ITPR2: variants seen among roughly 807,000 people sequenced by gnomAD.
ITPR2 encodes the protein inositol 1,4,5-trisphosphate receptor type 2, also known as inositol 1,4,5-trisphosphate-gated calcium channel ITPR2.
ITPR2 carries 207 observed loss-of-function variants against 317.1 expected under a neutral mutation model. That is an observed-to-expected ratio of 0.65 (90% CI 0.58 to 0.73). The LOEUF (loss-of-function observed/expected upper bound fraction) is 0.73. Ranked by LOEUF, ITPR2 falls within the 30% of genes least tolerant of loss-of-function variation. The pLI, the probability that ITPR2 is intolerant of heterozygous loss-of-function variation, is 0.00. For missense variants in ITPR2, 2,613 were observed against 3,284.0 expected (o/e 0.80, Z 4.99); for synonymous variants, 1,156 against 1,149.1 (o/e 1.01, Z -0.12).
chr12:26,456,699 G>A (rs1941894346), intron 45 of ITPR2, among the ~76,000 whole-genome samples: 1 of 152,044 alleles, frequency 6.6e-6, no homozygotes, highest in Non-Finnish European at 1.5e-5. Context: ...TTAAGACAGA[G>A]TCTCACTCTG....
At chr12:26,718,573 T>C (rs1032987029) in intron 5 of ITPR2, among the ~76,000 whole-genome samples, 8 of 149,418 alleles carry the variant, frequency 5.4e-5, no homozygotes, top group Admixed American at 3.4e-4. Context: ...TATGTGCATA[T>C]ATATAGTATA....
chr12:26,619,465 T>C (rs1946446784), intron 26 of ITPR2, among the ~76,000 whole-genome samples: 1 of 152,158 alleles, frequency 6.6e-6, no homozygotes, highest in Admixed American at 6.6e-5. Flanking sequence ...TCTAAACTAA[T>C]CCTGTACTCC....
At chr12:26,692,622 G>T (rs563570749) in intron 10 of ITPR2, among the ~76,000 whole-genome samples, 2 of 152,258 alleles carry the variant, frequency 1.3e-5, no homozygotes, top group South Asian at 4.1e-4. Flanking sequence ...CCCTGTGGAT[G>T]CTGTACATTT....
intron 1 of ITPR2, among the ~76,000 whole-genome samples, chr12:26,799,665 TC>T (rs200680804): frequency 1.3e-3 from 192 of 152,330 alleles, no homozygotes; most frequent in African/African-American, 4.5e-3. Context: ...CTTCTCTTTC[TC>T]CATCTAAAAT....
At chr12:26,567,941 A>ATATATATATTATATATATAATATATATAT (rs1945018886) in intron 34 of ITPR2, among the ~76,000 whole-genome samples, 8 of 47,880 alleles carry the variant, frequency 1.7e-4, no homozygotes, top group Non-Finnish European at 3.8e-4. Flanking sequence ...ATTCTGGTAT[A>ATATATATATTATATATATAATATATATAT]TATATATATT....
intron 54 of ITPR2, among the ~76,000 whole-genome samples, chr12:26,391,238 G>A (rs1274480682): frequency 6.6e-6 from 1 of 152,200 alleles, no homozygotes; most frequent in African/African-American, 2.4e-5. Context: ...TGAGGAAATA[G>A]ATTCAGAATG....
At chr12:26,662,412 A>C (rs1947523354) in intron 15 of ITPR2, among the ~76,000 whole-genome samples, 1 of 152,148 alleles carries the variant, frequency 6.6e-6, no homozygotes, top group African/African-American at 2.4e-5. Context: ...CACACAATAA[A>C]TACTACTAAC....
intron 37 of ITPR2, among the ~76,000 whole-genome samples, chr12:26,522,749 C>T (rs1456984824): frequency 2.0e-5 from 3 of 152,092 alleles, no homozygotes; most frequent in Admixed American, 2.0e-4. Flanking sequence ...AAATAATCTA[C>T]TCACATCAAA....
chr12:26,464,107 G>C (rs1430722395), intron 45 of ITPR2, among the ~76,000 whole-genome samples: 1 of 152,138 alleles, frequency 6.6e-6, no homozygotes, highest in Non-Finnish European at 1.5e-5. Flanking sequence ...TGTAGCAGCA[G>C]TCCCCAACCT....
intron 21 of ITPR2, among the ~76,000 whole-genome samples, chr12:26,635,921 AAGCT>A (rs1167299594): frequency 6.6e-6 from 1 of 152,248 alleles, no homozygotes; most frequent in East Asian, 1.9e-4. Flanking sequence ...AGCCTTAATT[AAGCT>A]AGTAACCACA....
At chr12:26,356,910 A>G (rs1269742139) in intron 55 of ITPR2, among the ~76,000 whole-genome samples, 2 of 152,236 alleles carry the variant, frequency 1.3e-5, no homozygotes, top group African/African-American at 2.4e-5. Context: ...TGGGGTATCA[A>G]TCTGATAGAA....
intron 55 of ITPR2, among the ~76,000 whole-genome samples, chr12:26,374,086 A>T (rs1939268792): frequency 6.6e-6 from 1 of 152,220 alleles, no homozygotes; most frequent in African/African-American, 2.4e-5. Context: ...GTGTCATACC[A>T]CACCTCTTTG....
chr12:26,788,301 C>G (rs999121792), intron 2 of ITPR2, among the ~76,000 whole-genome samples: 1 of 152,158 alleles, frequency 6.6e-6, no homozygotes, highest in Non-Finnish European at 1.5e-5. Context: ...GTGTGGTAGT[C>G]ATTGTTCTTG....
intron 36 of ITPR2, among the ~76,000 whole-genome samples, chr12:26,554,158 T>A (rs889944603): frequency 1.3e-5 from 2 of 152,190 alleles, no homozygotes; most frequent in African/African-American, 4.8e-5. Context: ...CACTTTCTCA[T>A]AGACCAGTAT....
At chr12:26,424,799 ACCCAGGCAGTAGTGCAGTG>A (rs1941007542) in intron 49 of ITPR2, among the ~76,000 whole-genome samples, 1 of 151,000 alleles carries the variant, frequency 6.6e-6, no homozygotes, top group Non-Finnish European at 1.5e-5. Context: ...CCATTTTGTC[ACCCAGGCAGTAGTGCAGTG>A]GCCTGATGTC....
chr12:26,413,055 C>T (rs780547520), intron 51 of ITPR2, among the ~76,000 whole-genome samples: 1 of 152,122 alleles, frequency 6.6e-6, no homozygotes, highest in Non-Finnish European at 1.5e-5. Flanking sequence ...AGGAGGATGG[C>T]GCTGAAAATG....
intron 2 of ITPR2, among the ~76,000 whole-genome samples, chr12:26,775,301 G>A (rs1949939562): frequency 6.6e-6 from 1 of 151,900 alleles, no homozygotes; most frequent in African/African-American, 2.4e-5. Context: ...TTGAATGAGA[G>A]TTAAGATTTA....
intron 1 of ITPR2, among the ~76,000 whole-genome samples, chr12:26,825,074 A>T (rs1950990178): frequency 6.6e-6 from 1 of 152,178 alleles, no homozygotes; most frequent in African/African-American, 2.4e-5. Context: ...TCTACTAAAA[A>T]TACAATAAAT....
chr12:26,692,475 T>C (rs1014921257), intron 10 of ITPR2, among the ~76,000 whole-genome samples: 4 of 152,128 alleles, frequency 2.6e-5, no homozygotes, highest in African/African-American at 9.7e-5. Flanking sequence ...AATATGGTAA[T>C]GTTAAGATGG....
Sources: allele counts gnomAD v4.1 joint callset (sites outside exome capture counted in the v4.1 genomes callset), GRCh38; gene constraint gnomAD v4.1.1; transcripts MANE v1.5; gene names NCBI Gene and HGNC (gene_info 2026-07-23, HGNC 2026-07-21).